SEC24B: variants seen among roughly 807,000 people sequenced by gnomAD.
SEC24B encodes SEC24 homolog B, COPII component, also known as protein transport protein Sec24B.
Under a neutral mutation model 142.8 loss-of-function variants are expected in SEC24B, and 45 were observed. The observed-to-expected ratio is 0.32, with a 90% confidence interval of 0.25 to 0.40. The LOEUF is 0.40. Among genes scored for constraint, SEC24B ranks in the 10% least tolerant of loss-of-function variants. The pLI is 1.00. For synonymous variants in SEC24B, 574 were observed against 568.2 expected, an observed-to-expected ratio of 1.01 and a Z score of -0.15; for missense variants, 1,409 against 1,526.8, an observed-to-expected ratio of 0.92 and a Z score of 1.29.
chr4:109,466,338 A>T (rs1178697051), intron 2 of SEC24B, among the ~76,000 whole-genome samples: 1 of 152,232 alleles, frequency 6.6e-6, no homozygotes, highest in Non-Finnish European at 1.5e-5. Flanking sequence ...CTGGCAACAT[A>T]ATTGCTTTCA....
intron 2 of SEC24B, among the ~76,000 whole-genome samples, chr4:109,464,294 C>CTT (rs796520724): frequency 4.9e-5 from 7 of 142,056 alleles, no homozygotes; most frequent in East Asian, 2.0e-4. Flanking sequence ...GTGGCTTGCC[C>CTT]TTTTTTTTTT....
intron 1 of SEC24B, among the ~76,000 whole-genome samples, chr4:109,442,471 C>T (rs1202295114): frequency 6.6e-6 from 1 of 152,052 alleles, no homozygotes. Flanking sequence ...TGAATGAATT[C>T]AGTGATTACA....
intron 4 of SEC24B, among the ~76,000 whole-genome samples, chr4:109,482,977 T>C (rs201237669): frequency 0.28 from 13,162 of 46,804 alleles, 3,355 homozygotes; most frequent in African/African-American, 0.71. Context: ...TATATATATA[T>C]ATACACACAC....
chr4:109,534,615 A>G (rs532055669), intron 22 of SEC24B, among the ~76,000 whole-genome samples: 1 of 152,306 alleles, frequency 6.6e-6, no homozygotes, highest in South Asian at 2.1e-4. Flanking sequence ...AAAATGGGTA[A>G]GGCCTTTGTG....
At chr4:109,469,393 G>A (rs1390968146) in intron 2 of SEC24B, among the ~76,000 whole-genome samples, 1 of 152,170 alleles carries the variant, frequency 6.6e-6, no homozygotes, top group African/African-American at 2.4e-5. Context: ...AGATAAAATA[G>A]TGAGTAAAAA....
chr4:109,513,972 A>G (rs1737657690), intron 10 of SEC24B, 116 bp downstream of exon 10: 2 of 634,658 alleles, frequency 3.2e-6, no homozygotes, highest in Non-Finnish European at 5.6e-6. Context: ...TAATTTTTAA[A>G]AACAAATTAA....
intron 20 of SEC24B, 72 bp from the exon 21 acceptor site, chr4:109,532,567 T>C: frequency 1.9e-6 from 2 of 1,077,506 alleles, no homozygotes; most frequent in Non-Finnish European, 1.4e-6. Context: ...CATAAAGGGT[T>C]AGTGACCATT....
chr4:109,487,165 C>CAAAAAA (rs372133489), intron 4 of SEC24B, among the ~76,000 whole-genome samples: 1 of 54,198 alleles, frequency 1.8e-5, no homozygotes, highest in Non-Finnish European at 4.0e-5. Context: ...GACTCTGTCT[C>CAAAAAA]AAAAAAAAAA....
chr4:109,527,005 G>A (rs183779230), intron 17 of SEC24B, among the ~76,000 whole-genome samples: 1 of 151,788 alleles, frequency 6.6e-6, no homozygotes, highest in Non-Finnish European at 1.5e-5. Context: ...GATCACCTGA[G>A]GTCAGGAGTT....
intron 1 of SEC24B, among the ~76,000 whole-genome samples, chr4:109,456,325 G>GTTTTT (rs1196701325): frequency 2.1e-4 from 19 of 92,230 alleles, no homozygotes; most frequent in African/African-American, 5.1e-4. Context: ...ATAAAGACAG[G>GTTTTT]TTTTTTTTGT....
intron 1 of SEC24B, among the ~76,000 whole-genome samples, chr4:109,453,891 C>G (rs190384236): frequency 6.6e-6 from 1 of 152,276 alleles, no homozygotes; most frequent in Non-Finnish European, 1.5e-5. Context: ...GAGTTTCGCT[C>G]TTGTCCCCCA....
At chr4:109,468,525 C>A (rs1020624715) in intron 2 of SEC24B, among the ~76,000 whole-genome samples, 4 of 152,294 alleles carry the variant, frequency 2.6e-5, no homozygotes, top group Non-Finnish European at 4.4e-5. Context: ...TATATGTAAT[C>A]AGCAGCCATT....
intron 3 of SEC24B, among the ~76,000 whole-genome samples, chr4:109,480,745 C>T (rs1407579266): frequency 6.6e-6 from 1 of 152,212 alleles, no homozygotes; most frequent in Non-Finnish European, 1.5e-5. Flanking sequence ...TCCCAAAGTG[C>T]TGGGATTACA....
intron 3 of SEC24B, among the ~76,000 whole-genome samples, chr4:109,478,471 A>T (rs1192136938): frequency 6.6e-6 from 1 of 152,166 alleles, no homozygotes; most frequent in Non-Finnish European, 1.5e-5. Context: ...AGTATGTGTC[A>T]TGCACCATTC....
intron 3 of SEC24B, among the ~76,000 whole-genome samples, chr4:109,474,249 A>G (rs1732840338): frequency 6.6e-6 from 1 of 152,240 alleles, no homozygotes; most frequent in African/African-American, 2.4e-5. Flanking sequence ...GTGAAGGTCC[A>G]GTAGAAGTTT....
intron 3 of SEC24B, among the ~76,000 whole-genome samples, chr4:109,480,403 T>C (rs568383426): frequency 1.3e-4 from 20 of 152,332 alleles, no homozygotes; most frequent in South Asian, 4.1e-4. Context: ...TTTTTCTTTT[T>C]TTTTCAAAGT....
At chr4:109,434,361 C>T (rs2125883134) in intron 1 of SEC24B, among the ~76,000 whole-genome samples, 1 of 152,270 alleles carries the variant, frequency 6.6e-6, no homozygotes, top group South Asian at 2.1e-4. Flanking sequence ...AGTTACCTAG[C>T]CTGGACGCGG....
chr4:109,517,853 A>G (rs1190846647), intron 11 of SEC24B, among the ~76,000 whole-genome samples: 2 of 152,204 alleles, frequency 1.3e-5, no homozygotes, highest in East Asian at 3.8e-4. Context: ...AATTGCACTG[A>G]TGACAGAATG....
At chr4:109,474,426 T>C (rs1364624606) in intron 3 of SEC24B, among the ~76,000 whole-genome samples, 2 of 134,426 alleles carry the variant, frequency 1.5e-5, no homozygotes, top group African/African-American at 2.8e-5. Flanking sequence ...TTCCTATTGT[T>C]TTTTTTTTTT....
Sources: allele counts gnomAD v4.1 joint callset (sites outside exome capture counted in the v4.1 genomes callset), GRCh38; gene constraint gnomAD v4.1.1; transcripts MANE v1.5; gene names NCBI Gene and HGNC (gene_info 2026-07-23, HGNC 2026-07-21).